Variants in KHDRBS2 observed in about 807,000 individuals in gnomAD.
The protein encoded by KHDRBS2 is KH RNA binding domain containing, signal transduction associated 2, also known as KH domain-containing, RNA-binding, signal transduction-associated protein 2.
In KHDRBS2, 26 loss-of-function variants were observed where a neutral mutation model predicts 44.3. The observed-to-expected ratio is 0.59, with a 90% CI of 0.43 to 0.81. KHDRBS2 has a LOEUF of 0.81. Among genes scored for constraint, KHDRBS2 ranks in the 40% least tolerant of loss-of-function variants. The pLI is 0.00. For synonymous variants in KHDRBS2, 194 were observed against 151.1 expected (o/e 1.28, Z -2.08); for missense variants, 476 against 433.1 (o/e 1.10, Z -0.88).
chr6:62,211,102 A>C (rs1828968543), intron 1 of KHDRBS2, among the ~76,000 whole-genome samples: 1 of 152,178 alleles, frequency 6.6e-6, no homozygotes, highest in Non-Finnish European at 1.5e-5. Context: ...CAGAAAAAAC[A>C]AGGCTACACC....
chr6:61,607,320 G>A, the KHDRBS2 span, among the ~76,000 whole-genome samples: 1 of 150,770 alleles, frequency 6.6e-6, no homozygotes, highest in East Asian at 1.9e-4. Context: ...TGCTAATACT[G>A]CACAATTTAA....
the KHDRBS2 span, among the ~76,000 whole-genome samples, chr6:61,554,049 T>G: frequency 6.6e-6 from 1 of 152,204 alleles, no homozygotes; most frequent in Non-Finnish European, 1.5e-5. Flanking sequence ...ATGTCTTGTA[T>G]ATTTATGTTA....
At chr6:62,048,053 C>T in intron 2 of KHDRBS2, 59 bp from the exon 3 acceptor site, 6 of 990,968 alleles carry the variant, frequency 6.1e-6, no homozygotes, top group Middle Eastern at 4.2e-4. Context: ...ATTATTTGCA[C>T]CAAGAGTAAT....
At chr6:61,913,327 A>G (rs1806390145) in intron 4 of KHDRBS2, among the ~76,000 whole-genome samples, 1 of 151,934 alleles carries the variant, frequency 6.6e-6, no homozygotes, top group African/African-American at 2.4e-5. Context: ...TGGGATTTTT[A>G]TATTGTTCTA....
Position 61,875,835 on chromosome 6 carries a change from C to A in KHDRBS2, c.810+18800G>T, listed in dbSNP as rs1799332578. ...AGCAGATTTGGTTATAACTGTCCAACTTTAAATGTTATAATTACCCTCTTA... is the reference window on the plus strand; with the variant it reads ...AGCAGATTTGGTTATAACTGTCCAAATTTAAATGTTATAATTACCCTCTTA... On this transcript the variant is annotated intron_variant, in intron 6 of 8. Coordinates refer to ENST00000281156, the MANE Select transcript of KHDRBS2 (RefSeq NM_152688.4). Among the ~76,000 whole-genome samples, 3 of 151,902 alleles carry A rather than the reference C, an allele frequency of 2.0e-5. No homozygotes were observed. In the South Asian group the frequency reaches 6.2e-4, roughly 31 times the overall value.
intron 6 of KHDRBS2, among the ~76,000 whole-genome samples, chr6:61,737,399 A>G (rs1449788896): frequency 1.3e-5 from 2 of 152,114 alleles, no homozygotes; most frequent in African/African-American, 4.8e-5. Context: ...TTATTAAGAA[A>G]TATGTATACA....
intron 6 of KHDRBS2, among the ~76,000 whole-genome samples, chr6:61,809,724 C>T (rs1382746590): frequency 6.6e-6 from 1 of 152,264 alleles, no homozygotes; most frequent in East Asian, 1.9e-4. Context: ...TTCTTAGACA[C>T]ATTCTGATCA....
chr6:61,547,730 A>G, the KHDRBS2 span, among the ~76,000 whole-genome samples: 1 of 152,182 alleles, frequency 6.6e-6, no homozygotes, highest in East Asian at 1.9e-4. Context: ...GGTTCTTAAA[A>G]TCTTCTCAAA....
At chr6:62,068,849 G>C (rs1302390617) in intron 2 of KHDRBS2, among the ~76,000 whole-genome samples, 1 of 151,636 alleles carries the variant, frequency 6.6e-6, no homozygotes, top group African/African-American at 2.4e-5. Flanking sequence ...TATTCCATTA[G>C]TCTTTGTTTT....
chr6:61,901,434 A>C, intron 4 of KHDRBS2, 63 bp from the exon 5 acceptor site: 1 of 1,309,794 alleles, frequency 7.6e-7, no homozygotes, highest in Non-Finnish European at 1.0e-6. Context: ...AGTTGGAAAA[A>C]AAAAAAAAGA....
chr6:61,934,590 A>T (rs1230083137), intron 4 of KHDRBS2, among the ~76,000 whole-genome samples: 1 of 152,172 alleles, frequency 6.6e-6, no homozygotes, highest in Non-Finnish European at 1.5e-5. Flanking sequence ...ACTTGTATTT[A>T]TTTAGTTTTG....
the KHDRBS2 span, among the ~76,000 whole-genome samples, chr6:61,642,012 G>A: frequency 6.6e-6 from 1 of 152,132 alleles, no homozygotes; most frequent in African/African-American, 2.4e-5. Context: ...GAGGTAGCTT[G>A]TTTGTATGCC....
At chr6:62,117,300 G>A (rs564747682) in intron 2 of KHDRBS2, among the ~76,000 whole-genome samples, 16 of 152,116 alleles carry the variant, frequency 1.1e-4, no homozygotes, top group Admixed American at 3.3e-4. Flanking sequence ...CTATCTTAAC[G>A]GGGGTGAGAT....
the KHDRBS2 span, among the ~76,000 whole-genome samples, chr6:61,553,630 T>C: frequency 6.6e-6 from 1 of 152,136 alleles, no homozygotes; most frequent in Non-Finnish European, 1.5e-5. Context: ...AACTTTTTTA[T>C]GTTGATGTTT....
At chr6:61,587,789 T>C in the KHDRBS2 span, among the ~76,000 whole-genome samples, 7 of 152,204 alleles carry the variant, frequency 4.6e-5, no homozygotes, top group African/African-American at 1.4e-4. Context: ...TCCGATTTCA[T>C]CTTTCTCTCA....
chr6:62,010,653 A>G (rs1780131787), intron 3 of KHDRBS2, among the ~76,000 whole-genome samples: 1 of 152,094 alleles, frequency 6.6e-6, no homozygotes, highest in Non-Finnish European at 1.5e-5. Flanking sequence ...TCTTGTGATA[A>G]TAAATGGGTC....
rs115798105 is a variant in KHDRBS2 at position 61,819,924 on chromosome 6, A to C, written c.810+74711T>G. On this transcript the variant is annotated intron_variant, in intron 6 of 8. Coordinates refer to ENST00000281156, the MANE Select transcript of KHDRBS2 (RefSeq NM_152688.4). Reference sequence around the variant, plus strand: ...GCCAAAGTCCCAAATAATGAACAAAAGTGAAGTTCTCAACAATAAAAAGCA... The same window carrying C: ...GCCAAAGTCCCAAATAATGAACAAACGTGAAGTTCTCAACAATAAAAAGCA... Among the ~76,000 whole-genome samples, 418 of 152,178 alleles carry C rather than the reference A, an allele frequency of 2.7e-3. 2 individuals are homozygous for C. The highest frequency in any genetic ancestry group is 9.3e-3 in the African/African-American group (388 of 41,564).
chr6:62,164,922 T>G (rs139160508), intron 2 of KHDRBS2, among the ~76,000 whole-genome samples: 1 of 151,866 alleles, frequency 6.6e-6, no homozygotes, highest in African/African-American at 2.4e-5. Context: ...GAGGTTCACA[T>G]TTTTTTGAAA....
At chr6:61,944,104 TGGA>T (rs1375121605) in intron 4 of KHDRBS2, among the ~76,000 whole-genome samples, 2 of 152,160 alleles carry the variant, frequency 1.3e-5, no homozygotes, top group Non-Finnish European at 2.9e-5. Context: ...GAAAACACTG[TGGA>T]GATTTCTCAA....
Sources: allele counts gnomAD v4.1 joint callset (sites outside exome capture counted in the v4.1 genomes callset), GRCh38; gene constraint gnomAD v4.1.1; transcripts MANE v1.5; gene names NCBI Gene and HGNC (gene_info 2026-07-23, HGNC 2026-07-21).